Variants in EPHA5 observed in about 807,000 individuals in gnomAD.
EPHA5 encodes the protein ephrin type-A receptor 5.
Under a neutral mutation model 105.0 loss-of-function variants are expected in EPHA5, and 60 were observed. The ratio of observed to expected loss-of-function variants is 0.57; its 90% CI spans 0.46 to 0.71. The LOEUF (loss-of-function observed/expected upper bound fraction) is 0.71. Among genes scored for constraint, EPHA5 ranks in the 30% least tolerant of loss-of-function variants. The probability of loss-of-function intolerance (pLI) is 0.00; values close to 1 mark genes in which losing one functional copy is unlikely to be tolerated. For synonymous variants in EPHA5, 513 were observed against 449.1 expected (o/e 1.14, Z -1.80); for missense variants, 1,218 against 1,274.7 (o/e 0.96, Z 0.68).
intron 3 of EPHA5, among the ~76,000 whole-genome samples, chr4:65,575,463 T>A (rs1740800743): frequency 6.6e-6 from 1 of 152,228 alleles, no homozygotes; most frequent in South Asian, 2.1e-4. Flanking sequence ...TCTGTTCAGG[T>A]CTCAATGTTT....
At chr4:65,518,583 A>C (rs4541572) in intron 3 of EPHA5, among the ~76,000 whole-genome samples, 1 of 151,882 alleles carries the variant, frequency 6.6e-6, no homozygotes, top group Non-Finnish European at 1.5e-5. Flanking sequence ...AAAAGGCAAA[A>C]TCTGGTTTTA....
chr4:65,421,072 A>G (rs1723900112), intron 5 of EPHA5, among the ~76,000 whole-genome samples: 1 of 152,092 alleles, frequency 6.6e-6, no homozygotes, highest in Non-Finnish European at 1.5e-5. Flanking sequence ...GCCACCAAAG[A>G]TATGATACAC....
chr4:65,571,263 T>A (rs758935537), intron 3 of EPHA5, among the ~76,000 whole-genome samples: 1 of 151,654 alleles, frequency 6.6e-6, no homozygotes, highest in African/African-American at 2.4e-5. Context: ...CGCTTATTAA[T>A]TAAAATGCAC....
chr4:65,379,286 C>CACAA (rs1393678055), intron 8 of EPHA5, among the ~76,000 whole-genome samples: 1 of 151,560 alleles, frequency 6.6e-6, no homozygotes, highest in Non-Finnish European at 1.5e-5. Context: ...TACACACACA[C>CACAA]ACACACACTC....
chr4:65,488,909 G>A (rs191865142), intron 5 of EPHA5, among the ~76,000 whole-genome samples: 2,450 of 85,588 alleles, frequency 0.029, 95 homozygotes, highest in African/African-American at 0.091. Flanking sequence ...TTTTTGAGAC[G>A]GAGTCTCGCT....
At chr4:65,480,989 G>T (rs1388477410) in intron 5 of EPHA5, among the ~76,000 whole-genome samples, 1 of 152,106 alleles carries the variant, frequency 6.6e-6, no homozygotes, top group Non-Finnish European at 1.5e-5. Context: ...GATCCATTTG[G>T]TGTTAAAGAA....
At chr4:65,566,958 C>T (rs1265597290) in intron 3 of EPHA5, among the ~76,000 whole-genome samples, 1 of 151,522 alleles carries the variant, frequency 6.6e-6, no homozygotes, top group African/African-American at 2.4e-5. Flanking sequence ...TGGTCAACCT[C>T]TTATAGGTCT....
chr4:65,560,757 T>C (rs1402151838), intron 3 of EPHA5, among the ~76,000 whole-genome samples: 1 of 152,116 alleles, frequency 6.6e-6, no homozygotes, highest in Non-Finnish European at 1.5e-5. Context: ...ATAAGTATTC[T>C]AGACATAATT....
At chr4:65,369,780 A>C (rs1718275471) in intron 8 of EPHA5, among the ~76,000 whole-genome samples, 1 of 152,100 alleles carries the variant, frequency 6.6e-6, no homozygotes, top group Non-Finnish European at 1.5e-5. Context: ...CAGCCTGGCC[A>C]ACACAGTGAA....
chr4:65,574,163 C>T, intron 3 of EPHA5: 1 of 1,606,676 alleles, frequency 6.2e-7, no homozygotes, highest in Non-Finnish European at 8.5e-7. Flanking sequence ...AGATCTTCGA[C>T]ACAGAAAAAG....
intron 5 of EPHA5, among the ~76,000 whole-genome samples, chr4:65,481,033 T>A (rs549680536): frequency 1.3e-5 from 2 of 152,288 alleles, no homozygotes; most frequent in Non-Finnish European, 2.9e-5. Context: ...TATAGGGGCA[T>A]GCAGCTCATT....
intron 5 of EPHA5, among the ~76,000 whole-genome samples, chr4:65,432,728 CA>C (rs989775606): frequency 2.0e-5 from 3 of 151,840 alleles, no homozygotes; most frequent in Non-Finnish European, 4.4e-5. Context: ...GTGCTACACC[CA>C]GCTAGTTTAT....
Position 65,353,338 on chromosome 4 carries a change from A to T in EPHA5, c.2174-235T>A, listed in dbSNP as rs993605969. 8.1e-5 allele frequency among the ~76,000 whole-genome samples: 12 copies of T among 148,280 alleles called. No individual in the cohort carries two copies. The East Asian group carries it at 2.2e-3, about 27-fold the overall frequency. On this transcript the variant is annotated intron_variant, in intron 11 of 16. Transcript: ENST00000613740. ...ACATTTTTAATATATTTAATATTTT[A>T]AAAACATTTTTTAAAGTATTTTAAA...
At chr4:65,331,677 G>C in intron 16 of EPHA5, 1 of 1,127,068 alleles carries the variant, frequency 8.9e-7, no homozygotes, top group Non-Finnish European at 1.1e-6. Flanking sequence ...AAAAAAACTT[G>C]TCAAGAAAAC....
At chr4:65,462,879 T>C (rs1409964214) in intron 5 of EPHA5, among the ~76,000 whole-genome samples, 1 of 152,142 alleles carries the variant, frequency 6.6e-6, no homozygotes, top group East Asian at 1.9e-4. Context: ...CTATATGCAT[T>C]ATTTTTGTTC....
At chr4:65,336,654 G>A (rs1412093572) in intron 14 of EPHA5, among the ~76,000 whole-genome samples, 1 of 152,070 alleles carries the variant, frequency 6.6e-6, no homozygotes, top group African/African-American at 2.4e-5. Flanking sequence ...ATTTAATAAT[G>A]TCAAGGTCTG....
chr4:65,520,678 C>G (rs1310606027), intron 3 of EPHA5, among the ~76,000 whole-genome samples: 3 of 151,804 alleles, frequency 2.0e-5, no homozygotes, highest in Admixed American at 2.0e-4. Flanking sequence ...AACAAATTTA[C>G]AAGAAAAAAA....
At chr4:65,341,726 A>T (rs985417453) in intron 14 of EPHA5, among the ~76,000 whole-genome samples, 2 of 151,982 alleles carry the variant, frequency 1.3e-5, no homozygotes, top group Admixed American at 1.3e-4. Context: ...TGGCAGGAAG[A>T]TTAGGAAGAT....
At chr4:65,551,193 G>C (rs1322793508) in intron 3 of EPHA5, among the ~76,000 whole-genome samples, 1 of 149,328 alleles carries the variant, frequency 6.7e-6, no homozygotes, top group African/African-American at 2.5e-5. Context: ...ATAAATAAAT[G>C]ATATGTTCAT....
Sources: allele counts gnomAD v4.1 joint callset (sites outside exome capture counted in the v4.1 genomes callset), GRCh38; gene constraint gnomAD v4.1.1; transcripts MANE v1.5; gene names NCBI Gene and HGNC (gene_info 2026-07-23, HGNC 2026-07-21).